SPAG17: variants seen among roughly 807,000 people sequenced by gnomAD.
SPAG17 encodes sperm-associated antigen 17.
A neutral mutation model predicts 273.6 loss-of-function variants in SPAG17; 169 were observed. That is an observed-to-expected ratio of 0.62 (90% CI 0.55 to 0.70). The LOEUF is 0.70. Among genes scored for constraint, SPAG17 ranks in the 30% least tolerant of loss-of-function variants. SPAG17 has a pLI of 0.00. For missense variants in SPAG17, 2,557 were observed against 2,627.8 expected (o/e 0.97, Z 0.59); for synonymous variants, 825 against 873.2 (o/e 0.94, Z 0.97).
At chr1:118,101,596 AGT>A (rs1452184292) in intron 5 of SPAG17, 142 bp downstream of exon 5, 11 of 720,886 alleles carry the variant, frequency 1.5e-5, no homozygotes, top group Non-Finnish European at 2.5e-5. Context: ...GGAAAATTCT[AGT>A]GTCTCTAGGG....
At chr1:118,015,394 T>C (rs1171219578) in intron 29 of SPAG17, among the ~76,000 whole-genome samples, 1 of 152,222 alleles carries the variant, frequency 6.6e-6, no homozygotes, top group Non-Finnish European at 1.5e-5. Context: ...TGTATTCTTA[T>C]GCTACAAATA....
chr1:117,980,471 A>T (rs1057488790), intron 43 of SPAG17, among the ~76,000 whole-genome samples: 7 of 152,174 alleles, frequency 4.6e-5, no homozygotes, highest in Non-Finnish European at 8.8e-5. Flanking sequence ...ACCTCAAGTG[A>T]TCTGCCCACC....
At chr1:118,048,953 T>G (rs927749177) in intron 20 of SPAG17, among the ~76,000 whole-genome samples, 1 of 151,918 alleles carries the variant, frequency 6.6e-6, no homozygotes, top group Non-Finnish European at 1.5e-5. Context: ...TATGAATAAT[T>G]ACACATCAAC....
Position 117,971,967 on chromosome 1 carries a change from A to G in SPAG17, c.6222T>C (p.Phe2074=), listed in dbSNP as rs773647566. Reference sequence around the variant, plus strand: ...CTGATGATGGGAGAAGATGGAACCCAAAAAGGGATGACTTTGCATTATTAA... The same window carrying G: ...CTGATGATGGGAGAAGATGGAACCCGAAAAGGGATGACTTTGCATTATTAA... The part of the protein sequence containing the change: ...AAINNAKSSL[F]GFHLLPSSVK... The change falls in exon 45 of 49, where the codon TTT becomes TTC. Residue 2074 remains phenylalanine, a synonymous_variant. Transcript: ENST00000336338. 1.2e-6 allele frequency: 2 copies of G among 1,613,982 alleles called. No individual in the cohort carries two copies. Among genetic ancestry groups the G allele is most frequent in the African/African-American group, 2.7e-5 (2 of 74,938 alleles).
chr1:118,133,494 G>A (rs1658170786), intron 3 of SPAG17, among the ~76,000 whole-genome samples: 1 of 152,042 alleles, frequency 6.6e-6, no homozygotes, highest in Non-Finnish European at 1.5e-5. Flanking sequence ...ATCTGGAATT[G>A]GCATTTTAAA....
intron 48 of SPAG17, chr1:117,961,535 T>TTTG (rs1290019929): frequency 2.6e-5 from 4 of 152,342 alleles, no homozygotes; most frequent in South Asian, 4.1e-4. Context: ...TTTTATCTTT[T>TTTG]TTGTTGTTGT....
At chr1:118,005,228 T>A (rs568116965) in intron 32 of SPAG17, among the ~76,000 whole-genome samples, 186 bp downstream of exon 32, 1 of 152,212 alleles carries the variant, frequency 6.6e-6, no homozygotes, top group African/African-American at 2.4e-5. Context: ...CCATTCTCCA[T>A]GAAAGTACAC....
intron 3 of SPAG17, among the ~76,000 whole-genome samples, chr1:118,122,803 T>G (rs1029302267): frequency 6.6e-6 from 1 of 152,210 alleles, no homozygotes; most frequent in African/African-American, 2.4e-5. Context: ...CTAAAGTCAG[T>G]ACTTATGGTT....
rs764866948 is a variant in SPAG17 at position 118,012,388 on chromosome 1, C to G, written c.4288-16G>C. 2 of 1,610,744 alleles carry G rather than the reference C, an allele frequency of 1.2e-6. No individual in the cohort carries two copies. Among genetic ancestry groups the G allele is most frequent in the Non-Finnish European group, 1.7e-6 (2 of 1,178,472 alleles). ...TTGTCATAACCTGAACATGAAGAGG[C>G]AGGACATAATCATTTGGCCACATGG... is the stretch of plus-strand genomic sequence containing the variant. On this transcript the variant is annotated splice_polypyrimidine_tract_variant and intron_variant, in intron 29 of 48. Coordinates refer to ENST00000336338, the MANE Select transcript of SPAG17 (RefSeq NM_206996.4).
chr1:118,149,318 A>G (rs951412927), intron 3 of SPAG17, among the ~76,000 whole-genome samples: 2 of 152,200 alleles, frequency 1.3e-5, no homozygotes, highest in Non-Finnish European at 2.9e-5. Flanking sequence ...TGTCCAGACT[A>G]GACATCAAAA....
chr1:118,048,010 C>A (rs1421901889), intron 20 of SPAG17, among the ~76,000 whole-genome samples: 1 of 152,108 alleles, frequency 6.6e-6, no homozygotes, highest in South Asian at 2.1e-4. Context: ...CTAGGGCCAC[C>A]TCTGCAGAGT....
Position 117,963,818 on chromosome 1 carries a change from C to CTT in SPAG17, c.6652_6653insAA (p.Arg2218GlnfsTer66). The stretch of plus-strand genomic sequence containing the variant: ...CTGTACCTAATGTGGAGAAACTTTA[C>CTT]GAGACATGAAGACTCCAAGTGTGGA... On this transcript the variant is annotated frameshift_variant, in exon 48 of 49. Coordinates refer to ENST00000336338, the MANE Select transcript of SPAG17 (RefSeq NM_206996.4). LOFTEE classifies it high-confidence loss of function. 6.2e-7 allele frequency: 1 copy of CTT among 1,612,306 alleles called. No individual in the cohort carries two copies. Among genetic ancestry groups the CTT allele is most frequent in the Non-Finnish European group, 8.5e-7 (1 of 1,179,116 alleles).
intron 13 of SPAG17, among the ~76,000 whole-genome samples, chr1:118,082,823 A>C (rs190916037): frequency 1.2e-3 from 179 of 152,288 alleles, no homozygotes; most frequent in Non-Finnish European, 2.2e-3. Context: ...AGCTGTATGG[A>C]TATCTGGGGG....
At position 118,055,755 on chromosome 1, in the gene SPAG17, A is replaced by G. The variant is rs1651599559; in HGVS notation, c.2700T>C (p.Ile900=). 1 of 1,612,040 alleles carries G rather than the reference A, an allele frequency of 6.2e-7. No homozygotes were observed. Among genetic ancestry groups the G allele is most frequent in the African/African-American group, 1.3e-5 (1 of 74,846 alleles). ...TACTTTTAGATTCTTTAATGGAAAA[A>G]ATTTTGCTAGCAGAAGTAAGTTTGG... ...ANAKLTSASK[I]FSIKESKSNK... Residue 900 remains isoleucine, a synonymous_variant, in exon 19 of 49, where the codon ATT becomes ATC. Transcript: ENST00000336338.
intron 23 of SPAG17, among the ~76,000 whole-genome samples, chr1:118,038,949 A>G (rs1481944898): frequency 2.0e-5 from 3 of 152,168 alleles, no homozygotes; most frequent in Non-Finnish European, 2.9e-5. Flanking sequence ...AGGTTCATCA[A>G]CTGTAACAAA....
Position 118,020,554 on chromosome 1 carries a change from A to G in SPAG17, c.4069+2750T>C, listed in dbSNP as rs148598410. On this transcript the variant is annotated intron_variant, in intron 28 of 48. Transcript: ENST00000336338. ...ATATCTATCATCATATCCTTAAAAT[A>G]TATAAAGAAAAATGACAGAACTATA... Among the ~76,000 whole-genome samples, 146 of 152,284 alleles carry G rather than the reference A, an allele frequency of 9.6e-4. 2 individuals are homozygous for G. Among genetic ancestry groups the G allele is most frequent in the African/African-American group, 3.4e-3 (143 of 41,586 alleles).
intron 19 of SPAG17, among the ~76,000 whole-genome samples, chr1:118,054,713 T>A (rs1413178081): frequency 6.6e-6 from 1 of 152,086 alleles, no homozygotes; most frequent in Non-Finnish European, 1.5e-5. Flanking sequence ...AATATAGTCC[T>A]ATCTATTTAT....
intron 48 of SPAG17, among the ~76,000 whole-genome samples, chr1:117,956,416 A>G (rs1652202271): frequency 6.6e-6 from 1 of 152,208 alleles, no homozygotes; most frequent in African/African-American, 2.4e-5. Context: ...TATATTCCTT[A>G]CAAGAAACAA....
chr1:117,969,925 T>G (rs1475167420), intron 46 of SPAG17, 131 bp downstream of exon 46: 1 of 783,338 alleles, frequency 1.3e-6, no homozygotes, highest in Non-Finnish European at 2.1e-6. Flanking sequence ...CTTATGATAT[T>G]AAAAACAGTA....
Sources: allele counts gnomAD v4.1 joint callset (sites outside exome capture counted in the v4.1 genomes callset), GRCh38; gene constraint gnomAD v4.1.1; transcripts MANE v1.5; gene names NCBI Gene and HGNC (gene_info 2026-07-23, HGNC 2026-07-21).